TAF3: variants seen among roughly 807,000 people sequenced by gnomAD.
TAF3 encodes transcription initiation factor TFIID subunit 3.
Under a neutral mutation model 80.6 loss-of-function variants are expected in TAF3, and 7 were observed. That is an observed-to-expected ratio of 0.09 (90% CI 0.05 to 0.16). The LOEUF is 0.16. TAF3 is among the 10% of genes least tolerant of loss of function. The pLI is 1.00. For synonymous variants in TAF3, 444 were observed against 446.1 expected, an observed-to-expected ratio of 1.00 and a Z score of 0.06; for missense variants, 921 against 1,140.2, an observed-to-expected ratio of 0.81 and a Z score of 2.77.
rs562016987 is a variant in TAF3 at position 7,891,517 on chromosome 10, C to A, written c.409+66957C>A. Among the ~76,000 whole-genome samples the A allele has an allele frequency of 2.0e-5, 3 of 152,308 alleles. No individual in the cohort carries two copies. The East Asian group carries it at 5.8e-4, about 29-fold the overall frequency. ...AGGCATGGTTAAGTCCTATGGCATA[C>A]CACTTACAGCAAATTTTTTGAAAAC... On this transcript the variant is annotated intron_variant, in intron 2 of 6. Coordinates refer to ENST00000344293, the MANE Select transcript of TAF3 (RefSeq NM_031923.4).
intron 1 of TAF3, among the ~76,000 whole-genome samples, chr10:7,823,046 A>G (rs775740366): frequency 1.3e-5 from 2 of 152,086 alleles, no homozygotes; most frequent in Non-Finnish European, 2.9e-5. Flanking sequence ...CTGGGAAGGT[A>G]AGGTTGCAGT....
At chr10:7,990,367 T>C (rs756040665) in intron 4 of TAF3, among the ~76,000 whole-genome samples, 1 of 152,224 alleles carries the variant, frequency 6.6e-6, no homozygotes, top group African/African-American at 2.4e-5. Context: ...AATGGCTGGC[T>C]ACCTTTTTAT....
intron 4 of TAF3, among the ~76,000 whole-genome samples, chr10:7,997,613 A>T (rs1244824628): frequency 6.6e-6 from 1 of 152,156 alleles, no homozygotes; most frequent in Admixed American, 6.5e-5. Flanking sequence ...TTTATGAATA[A>T]CGCCAGTGTT....
At chr10:7,959,144 AC>A (rs1838165139) in intron 2 of TAF3, among the ~76,000 whole-genome samples, 2 of 134,824 alleles carry the variant, frequency 1.5e-5, no homozygotes, top group Admixed American at 7.9e-5. Flanking sequence ...TGTCTCACAC[AC>A]ACACACACAC....
intron 2 of TAF3, among the ~76,000 whole-genome samples, chr10:7,893,671 C>T (rs1837479138): frequency 6.6e-6 from 1 of 152,194 alleles, no homozygotes. Context: ...TCCTTCTTAT[C>T]ATCCCTTTGC....
rs1170019163 is a variant in TAF3, at chr10:7,860,797, TTTCTTTC to T, written c.409+36240_409+36246del. 5.3e-5 allele frequency among the ~76,000 whole-genome samples: 8 copies of T among 150,710 alleles called. No homozygotes were observed. In the East Asian group the frequency reaches 1.4e-3, roughly 27 times the overall value. On this transcript the variant is annotated intron_variant, in intron 2 of 6. Transcript: ENST00000344293. Reference sequence around the variant, plus strand: ...CAGGAGCCTTTTCTTTCTTTCTTTCTTTCTTTCTTTTTTTTTTTTTGAAATAGAGTCT... The same window carrying T: ...CAGGAGCCTTTTCTTTCTTTCTTTCTTTTTTTTTTTTTTGAAATAGAGTCT...
At chr10:7,893,911 A>G (rs1358452512) in intron 2 of TAF3, among the ~76,000 whole-genome samples, 1 of 152,138 alleles carries the variant, frequency 6.6e-6, no homozygotes. Flanking sequence ...AGACCCCTTA[A>G]GAAACACAGA....
chr10:7,952,856 G>T (rs1471020685), intron 2 of TAF3, among the ~76,000 whole-genome samples: 1 of 152,104 alleles, frequency 6.6e-6, no homozygotes, highest in Non-Finnish European at 1.5e-5. Context: ...ATGTTGAGTT[G>T]TGTTTTAAGG....
intron 2 of TAF3, among the ~76,000 whole-genome samples, chr10:7,881,057 G>T (rs1219810563): frequency 6.6e-6 from 1 of 152,076 alleles, no homozygotes; most frequent in South Asian, 2.1e-4. Context: ...GCACCATGGG[G>T]AAGCCCCGTC....
At chr10:7,914,479 C>T in intron 2 of TAF3, among the ~76,000 whole-genome samples, 1 of 152,140 alleles carries the variant, frequency 6.6e-6, no homozygotes, top group Admixed American at 6.5e-5. Flanking sequence ...CTATAAACTC[C>T]AGAAGGACAG....
chr10:7,871,435 CTTTTTTTTTTTTTTTTTTT>C (rs527356726), intron 2 of TAF3, among the ~76,000 whole-genome samples: 2 of 69,116 alleles, frequency 2.9e-5, no homozygotes, highest in Non-Finnish European at 5.8e-5. Flanking sequence ...ATAACTGCTG[CTTTTTTTTTTTTTTTTTTT>C]TTTTTTGAGA....
At chr10:7,874,697 GTTT>G (rs901713483) in intron 2 of TAF3, among the ~76,000 whole-genome samples, 3 of 93,546 alleles carry the variant, frequency 3.2e-5, no homozygotes, top group African/African-American at 1.1e-4. Context: ...TTTTGTCTTA[GTTT>G]TTTTTTTCAG....
At chr10:7,823,062 A>G (rs1196630862) in intron 1 of TAF3, among the ~76,000 whole-genome samples, 1 of 152,154 alleles carries the variant, frequency 6.6e-6, no homozygotes, top group Non-Finnish European at 1.5e-5. Flanking sequence ...GCAGTGAGCC[A>G]TGATTGCCCT....
intron 2 of TAF3, among the ~76,000 whole-genome samples, chr10:7,925,315 A>G (rs1837804298): frequency 6.6e-6 from 1 of 152,216 alleles, no homozygotes; most frequent in Non-Finnish European, 1.5e-5. Flanking sequence ...GCTCTGCCAT[A>G]ATGGCTCAGC....
At chr10:7,967,614 A>G (rs899915795) in intron 3 of TAF3, among the ~76,000 whole-genome samples, 2 of 152,232 alleles carry the variant, frequency 1.3e-5, no homozygotes, top group Non-Finnish European at 2.9e-5. Flanking sequence ...ATAAATAGTA[A>G]TGTCTATAGA....
chr10:7,893,753 G>A (rs537528846), intron 2 of TAF3, among the ~76,000 whole-genome samples: 2 of 151,940 alleles, frequency 1.3e-5, no homozygotes, highest in Non-Finnish European at 2.9e-5. Context: ...TCCTTCTTCA[G>A]CTTTTCACCT....
intron 3 of TAF3, among the ~76,000 whole-genome samples, chr10:7,966,068 G>T (rs915402523): frequency 6.6e-6 from 1 of 152,112 alleles, no homozygotes; most frequent in Admixed American, 6.5e-5. Context: ...ATATTTATGT[G>T]AATTATCAAG....
At chr10:7,910,026 T>C (rs147411269) in intron 2 of TAF3, among the ~76,000 whole-genome samples, 78 of 152,356 alleles carry the variant, frequency 5.1e-4, no homozygotes, top group African/African-American at 1.8e-3. Flanking sequence ...ATAAATGCTA[T>C]GTAAATAGTT....
chr10:7,926,656 A>G (rs1196442140), intron 2 of TAF3, among the ~76,000 whole-genome samples: 1 of 152,330 alleles, frequency 6.6e-6, no homozygotes, highest in South Asian at 2.1e-4. Context: ...TGGTCAATTG[A>G]AAATTAAAAC....
Sources: gnomAD v4.1 joint callset for allele counts (sites outside exome capture counted in the v4.1 genomes callset) on GRCh38, gnomAD v4.1.1 for gene constraint, MANE v1.5 for transcripts, NCBI Gene and HGNC (gene_info 2026-07-23, HGNC 2026-07-21) for gene names.